Variants in ACTN4 observed in about 807,000 individuals in gnomAD.
ACTN4 encodes actinin alpha 4.
ACTN4 carries 18 observed loss-of-function variants against 114.2 expected under a neutral mutation model. The observed-to-expected ratio is 0.16, with a 90% confidence interval of 0.11 to 0.23. The LOEUF (loss-of-function observed/expected upper bound fraction) is 0.23. ACTN4 is among the 10% of genes least tolerant of loss of function. The probability of loss-of-function intolerance (pLI) is 1.00; values close to 1 mark genes in which losing one functional copy is unlikely to be tolerated. For synonymous variants in ACTN4, 515 were observed against 506.3 expected (o/e 1.02, Z -0.23); for missense variants, 722 against 1,262.9 (o/e 0.57, Z 6.49).
At chr19:38,687,643 T>C (rs992166891) in intron 1 of ACTN4, among the ~76,000 whole-genome samples, 16 of 152,138 alleles carry the variant, frequency 1.1e-4, no homozygotes, top group African/African-American at 3.9e-4. Context: ...TCCAAACGGA[T>C]CAGATACCTA....
At chr19:38,684,722 T>C (rs912015958) in intron 1 of ACTN4, among the ~76,000 whole-genome samples, 33 of 152,214 alleles carry the variant, frequency 2.2e-4, no homozygotes, top group African/African-American at 7.0e-4. Context: ...CTATAATTAC[T>C]CTTTGGCTAT....
intron 1 of ACTN4, among the ~76,000 whole-genome samples, chr19:38,686,645 G>A (rs768188606): frequency 1.3e-5 from 2 of 152,256 alleles, no homozygotes; most frequent in African/African-American, 2.4e-5. Context: ...TGCCTGGAGG[G>A]CTGAGCACTG....
Position 38,723,927 on chromosome 19 carries a change from C to A in ACTN4, c.1552-10C>A. ...CCTCTGTCCCTGCCCCCTTCCCTCCCACACACTAGAAAACAGAGAAGCAGC... is the reference window on the plus strand; with the variant it reads ...CCTCTGTCCCTGCCCCCTTCCCTCCAACACACTAGAAAACAGAGAAGCAGC... On this transcript the variant is annotated splice_polypyrimidine_tract_variant and intron_variant, in intron 13 of 20. Transcript: ENST00000252699. 1 of 1,613,276 alleles carries A rather than the reference C, an allele frequency of 6.2e-7. No homozygotes were observed.
chr19:38,714,645 T>C, intron 9 of ACTN4, 84 bp downstream of exon 9: 1 of 1,423,444 alleles, frequency 7.0e-7, no homozygotes, highest in Non-Finnish European at 9.8e-7. Flanking sequence ...GGAAAGCAGG[T>C]GTGGCAGCGA....
Position 38,721,654 on chromosome 19 carries a change from G to T in ACTN4, c.1408G>T (p.Val470Leu). The T allele has an allele frequency of 6.2e-7, 1 of 1,613,870 alleles. No individual in the cohort carries two copies. The highest frequency in any genetic ancestry group is 8.5e-7 in the Non-Finnish European group (1 of 1,180,032). ...CGACCTGGCTGCGCACCAGGACCGC[G>T]TGGAGCAGATCGCCGCCATTGCCCA... ...ESDLAAHQDR[V>L]EQIAAIAQEL... is the part of the protein sequence containing the mutation. Residue 470 changes from valine (V) to leucine (L), a missense_variant, in exon 12 of 21, where the codon GTG becomes TTG. Coordinates refer to ENST00000252699, the MANE Select transcript of ACTN4 (RefSeq NM_004924.6).
intron 1 of ACTN4, among the ~76,000 whole-genome samples, chr19:38,685,576 C>G (rs1159571533): frequency 6.6e-6 from 1 of 152,186 alleles, no homozygotes; most frequent in African/African-American, 2.4e-5. Context: ...CCCTAATCCT[C>G]TCAGTGCTCC....
chr19:38,703,698 C>A (rs937670164), intron 3 of ACTN4, among the ~76,000 whole-genome samples: 1 of 152,160 alleles, frequency 6.6e-6, no homozygotes, highest in Admixed American at 6.5e-5. Flanking sequence ...CTCACGAGGG[C>A]AGGCAGACAG....
At chr19:38,716,098 T>G (rs1445668923) in intron 9 of ACTN4, among the ~76,000 whole-genome samples, 1 of 152,066 alleles carries the variant, frequency 6.6e-6, no homozygotes. Flanking sequence ...AGAGATGGGG[T>G]TTCACCATGT....
At chr19:38,708,257 G>A (rs903333640) in intron 6 of ACTN4, 62 bp downstream of exon 6, 30 of 1,561,330 alleles carry the variant, frequency 1.9e-5, no homozygotes, top group African/African-American at 1.1e-4. Flanking sequence ...CCCTAACTCC[G>A]GGTCACCATC....
chr19:38,677,764 C>T (rs558541367), intron 1 of ACTN4, among the ~76,000 whole-genome samples: 31 of 152,182 alleles, frequency 2.0e-4, no homozygotes, highest in South Asian at 1.5e-3. Context: ...TTTTTTGAGA[C>T]GGAGTCTCGC....
At chr19:38,693,373 A>G (rs1172956853) in intron 1 of ACTN4, 2 of 152,598 alleles carry the variant, frequency 1.3e-5, no homozygotes, top group Non-Finnish European at 2.9e-5. Context: ...TCCAACAGCC[A>G]TTTCCCTCCA....
chr19:38,665,521 A>C (rs1407665095), intron 1 of ACTN4, among the ~76,000 whole-genome samples: 1 of 152,168 alleles, frequency 6.6e-6, no homozygotes, highest in Non-Finnish European at 1.5e-5. Context: ...TGAAATACGC[A>C]GCTCAGTGGG....
At chr19:38,648,534 G>C (rs1040501905) in intron 1 of ACTN4, among the ~76,000 whole-genome samples, 1 of 151,874 alleles carries the variant, frequency 6.6e-6, no homozygotes, top group African/African-American at 2.4e-5. Flanking sequence ...AGGGGCTAAG[G>C]GTAGAATTGA....
At chr19:38,723,843 C>G in intron 13 of ACTN4, 94 bp from the exon 14 acceptor site, 5 of 1,503,362 alleles carry the variant, frequency 3.3e-6, no homozygotes, top group East Asian at 4.7e-5. Context: ...TGTTCTCTGA[C>G]TCCTCAGGGC....
At chr19:38,665,679 C>T (rs1966934779) in intron 1 of ACTN4, among the ~76,000 whole-genome samples, 2 of 152,234 alleles carry the variant, frequency 1.3e-5, no homozygotes, top group Non-Finnish European at 2.9e-5. Context: ...CCAGCCCCTG[C>T]ATCCATCTGG....
At chr19:38,722,488 T>G (rs1347582419) in intron 12 of ACTN4, among the ~76,000 whole-genome samples, 1 of 152,194 alleles carries the variant, frequency 6.6e-6, no homozygotes, top group Non-Finnish European at 1.5e-5. Flanking sequence ...GGCCCAGCCC[T>G]GATGCCCCAG....
At chr19:38,659,586 T>C (rs1437257046) in intron 1 of ACTN4, among the ~76,000 whole-genome samples, 1 of 152,202 alleles carries the variant, frequency 6.6e-6, no homozygotes, top group Non-Finnish European at 1.5e-5. Flanking sequence ...CCGAGTTCTC[T>C]TAGCAGCTAC....
intron 1 of ACTN4, among the ~76,000 whole-genome samples, chr19:38,650,737 GTTGTTTGT>G (rs578119525): frequency 5.9e-5 from 9 of 152,160 alleles, no homozygotes; most frequent in Non-Finnish European, 1.2e-4. Context: ...GGCTGGCTGG[GTTGTTTGT>G]TTGTTTGTTT....
intron 19 of ACTN4, 42 bp downstream of exon 19, chr19:38,728,068 T>G (rs1015565298): frequency 3.2e-6 from 4 of 1,252,292 alleles, no homozygotes; most frequent in Non-Finnish European, 4.4e-6. Flanking sequence ...CATTAACTGC[T>G]CTCTCTCTCT....
Sources: gnomAD v4.1 joint callset for allele counts (sites outside exome capture counted in the v4.1 genomes callset) on GRCh38, gnomAD v4.1.1 for gene constraint, MANE v1.5 for transcripts, NCBI Gene and HGNC (gene_info 2026-07-23, HGNC 2026-07-21) for gene names.